The following BRINP1 variants were observed in gnomAD, a reference collection of about 807,000 sequenced individuals.
The protein encoded by BRINP1 is BMP/retinoic acid inducible neural specific 1.
A neutral mutation model predicts 72.9 loss-of-function variants in BRINP1; 17 were observed. That is an observed-to-expected ratio of 0.23 (90% CI 0.16 to 0.35). BRINP1 has a LOEUF of 0.35. Ranked by LOEUF, BRINP1 falls within the 10% of genes least tolerant of loss-of-function variation. BRINP1 has a pLI of 1.00. For synonymous variants in BRINP1, 418 were observed against 378.5 expected (o/e 1.10, Z -1.21); for missense variants, 850 against 1,001.6 (o/e 0.85, Z 2.04).
intron 2 of BRINP1, among the ~76,000 whole-genome samples, chr9:119,290,626 G>T (rs143701106): frequency 1.1e-4 from 17 of 152,254 alleles, no homozygotes; most frequent in African/African-American, 4.1e-4. Flanking sequence ...GGATATTTGG[G>T]AGTTGTTGGA....
intron 6 of BRINP1, among the ~76,000 whole-genome samples, chr9:119,212,825 C>T (rs2118875854): frequency 6.6e-6 from 1 of 152,302 alleles, no homozygotes. Flanking sequence ...CTTTCCAAAT[C>T]TTTCAGGGTG....
chr9:119,340,453 C>T (rs900794555), intron 1 of BRINP1, among the ~76,000 whole-genome samples: 1 of 152,012 alleles, frequency 6.6e-6, no homozygotes, highest in South Asian at 2.1e-4. Context: ...ACAGTGAGTC[C>T]CACCCCCAGG....
chr9:119,316,126 G>A (rs560129524), intron 1 of BRINP1, among the ~76,000 whole-genome samples: 18 of 152,232 alleles, frequency 1.2e-4, no homozygotes, highest in African/African-American at 3.4e-4. Flanking sequence ...TTGCTCTGTC[G>A]CCTAGCCTGG....
Position 119,249,154 on chromosome 9 carries a change from G to A in BRINP1, c.219-4C>T, listed in dbSNP as rs1830352642. 6.2e-7 allele frequency: 1 copy of A among 1,611,482 alleles called. No homozygotes were observed. The highest frequency in any genetic ancestry group is 8.5e-7 in the Non-Finnish European group (1 of 1,178,854). On this transcript the variant is annotated splice_region_variant and splice_polypyrimidine_tract_variant and intron_variant, in intron 2 of 7. Transcript: ENST00000265922. Reference sequence around the variant, plus strand: ...CACCTTCCAACGGGCAAACTCCCTGGGCAGGAGAAATGAGCAACACTTCTC... The same window carrying A: ...CACCTTCCAACGGGCAAACTCCCTGAGCAGGAGAAATGAGCAACACTTCTC...
chr9:119,349,697 C>T (rs1230546629), intron 1 of BRINP1, among the ~76,000 whole-genome samples: 1 of 152,100 alleles, frequency 6.6e-6, no homozygotes, highest in Non-Finnish European at 1.5e-5. Flanking sequence ...TTTTGTGCTT[C>T]GCTGGGTGTC....
intron 2 of BRINP1, among the ~76,000 whole-genome samples, chr9:119,285,047 AC>A (rs1830745674): frequency 6.6e-6 from 1 of 152,130 alleles, no homozygotes; most frequent in Non-Finnish European, 1.5e-5. Context: ...AGTTTTTGAA[AC>A]AAGCAAAGCT....
intron 2 of BRINP1, among the ~76,000 whole-genome samples, chr9:119,288,417 T>C (rs527365035): frequency 4.6e-5 from 7 of 152,254 alleles, no homozygotes; most frequent in African/African-American, 1.7e-4. Flanking sequence ...TGCTGGGTGA[T>C]TTGGGGAGAC....
In BRINP1 at chr9:119,250,348, T is replaced by A. The variant is rs190313668; in HGVS notation, c.219-1198A>T. On this transcript the variant is annotated intron_variant, in intron 2 of 7. Coordinates refer to ENST00000265922, the MANE Select transcript of BRINP1 (RefSeq NM_014618.3). ...GTTCCAAAGACCATGTGGGAGAATT[T>A]CCATGTTTGCCTTCACTAATAACAG... 7.2e-5 allele frequency among the ~76,000 whole-genome samples: 11 copies of A among 152,286 alleles called. No homozygotes were observed. In the East Asian group the frequency reaches 2.1e-3, roughly 29 times the overall value.
At chr9:119,184,269 G>A (rs984109748) in intron 7 of BRINP1, among the ~76,000 whole-genome samples, 3 of 152,110 alleles carry the variant, frequency 2.0e-5, no homozygotes, top group African/African-American at 7.2e-5. Context: ...CACTCGCAGT[G>A]AAGCTCAGCC....
intron 5 of BRINP1, among the ~76,000 whole-genome samples, chr9:119,233,285 C>G (rs1285974341): frequency 6.6e-6 from 1 of 152,034 alleles, no homozygotes; most frequent in Non-Finnish European, 1.5e-5. Context: ...TCTCTAGGCC[C>G]TGGTTTCTTC....
intron 2 of BRINP1, among the ~76,000 whole-genome samples, chr9:119,305,193 G>GT (rs1230063563): frequency 6.6e-6 from 1 of 151,990 alleles, no homozygotes; most frequent in Non-Finnish European, 1.5e-5. Context: ...GTAAGGTTAA[G>GT]TTTTTTTTCA....
intron 7 of BRINP1, among the ~76,000 whole-genome samples, chr9:119,206,772 C>T (rs1220939256): frequency 1.3e-5 from 2 of 152,184 alleles, no homozygotes; most frequent in African/African-American, 4.8e-5. Flanking sequence ...GAATTTCCCA[C>T]AGTGCTCGAT....
rs780076458 is a variant in BRINP1, at chr9:119,167,845, CGTT to C, written c.1522_1524del (p.Asn508del). The C allele has an allele frequency of 2.2e-5, 36 of 1,614,150 alleles. No individual in the cohort carries two copies. Among genetic ancestry groups the C allele is most frequent in the Non-Finnish European group, 3.1e-5 (36 of 1,180,042 alleles). ...TCAAAGAAGGTGTCGAGGCGGATCT[CGTT>C]GCTGATGAAGGTGGTGTGGACGTAG... On this transcript the variant is annotated inframe_deletion, in exon 8 of 8. Transcript: ENST00000265922. The surrounding 1 kb of genome is among the most constrained non-coding windows in gnomAD (Gnocchi z 4.3).
rs185125333 is a variant in BRINP1, at chr9:119,275,655, A to G, written c.219-26505T>C. Among the ~76,000 whole-genome samples, 33 of 152,300 alleles carry G rather than the reference A, an allele frequency of 2.2e-4. 1 individual carries two copies. The highest frequency in any genetic ancestry group is 3.1e-4 in the Non-Finnish European group (21 of 68,028). ...CCATCCATACTATAAGCTCTCCTAC[A>G]ACCTCAAAAGGAGAAAATCTCCAGT... On this transcript the variant is annotated intron_variant, in intron 2 of 7. Coordinates refer to ENST00000265922, the MANE Select transcript of BRINP1 (RefSeq NM_014618.3).
chr9:119,326,988 G>A (rs887521843), intron 1 of BRINP1, among the ~76,000 whole-genome samples: 3 of 152,314 alleles, frequency 2.0e-5, no homozygotes, highest in African/African-American at 4.8e-5. Flanking sequence ...GCATGAAGGA[G>A]TGTGTTGTGA....
chr9:119,192,139 C>A (rs866769144), intron 7 of BRINP1, among the ~76,000 whole-genome samples: 13 of 151,868 alleles, frequency 8.6e-5, no homozygotes, highest in Admixed American at 1.3e-4. Flanking sequence ...GATCTGAAAC[C>A]CAAAAAACTC....
intron 2 of BRINP1, among the ~76,000 whole-genome samples, chr9:119,302,836 A>AT (rs3837286): frequency 1.5e-4 from 22 of 151,130 alleles, no homozygotes; most frequent in Middle Eastern, 3.4e-3. Context: ...TCCATTTTAT[A>AT]TTTTTTTTTC....
intron 2 of BRINP1, among the ~76,000 whole-genome samples, chr9:119,250,626 T>C (rs922467354): frequency 1.3e-5 from 2 of 152,208 alleles, no homozygotes; most frequent in South Asian, 4.1e-4. Flanking sequence ...TTCCCAGACA[T>C]GTACATGTAA....
chr9:119,349,640 GT>G (rs1384632924), intron 1 of BRINP1, among the ~76,000 whole-genome samples: 1 of 152,170 alleles, frequency 6.6e-6, no homozygotes, highest in African/African-American at 2.4e-5. Context: ...GAATTTCAAA[GT>G]TCTATTTCAG....
Sources: allele counts gnomAD v4.1 joint callset (sites outside exome capture counted in the v4.1 genomes callset), GRCh38; gene constraint gnomAD v4.1.1; non-coding constraint Gnocchi (gnomAD v3.1); transcripts MANE v1.5; gene names NCBI Gene and HGNC (gene_info 2026-07-23, HGNC 2026-07-21).